The following SHISA9 variants were observed in gnomAD, a reference collection of about 807,000 sequenced individuals.
SHISA9 encodes protein shisa-9.
Under a neutral mutation model 38.0 loss-of-function variants are expected in SHISA9, and 13 were observed. That is an observed-to-expected ratio of 0.34 (90% confidence interval 0.22 to 0.54). The LOEUF (loss-of-function observed/expected upper bound fraction) is 0.54, where lower values mean the gene tolerates loss of function less well. Among genes scored for constraint, SHISA9 ranks in the 20% least tolerant of loss-of-function variants. SHISA9 has a pLI of 0.91. For missense variants in SHISA9, 538 were observed against 575.8 expected (o/e 0.93, Z 0.67); for synonymous variants, 275 against 242.0 (o/e 1.14, Z -1.27).
intron 2 of SHISA9, among the ~76,000 whole-genome samples, chr16:13,111,885 G>A (rs1163486147): frequency 6.6e-6 from 1 of 152,138 alleles, no homozygotes; most frequent in Admixed American, 6.6e-5. Context: ...CATCTGTTGA[G>A]GCAGACATTC....
chr16:13,126,955 G>T (rs1280322538), intron 2 of SHISA9, among the ~76,000 whole-genome samples: 1 of 146,032 alleles, frequency 6.8e-6, no homozygotes, highest in African/African-American at 2.5e-5. Context: ...CTGAGGGAAG[G>T]AAAGAGAGAG....
the SHISA9 span, among the ~76,000 whole-genome samples, chr16:13,435,407 T>C: frequency 6.6e-6 from 1 of 152,194 alleles, no homozygotes; most frequent in African/African-American, 2.4e-5. Context: ...GACAGTAAAC[T>C]ATGTCACAAG....
At chr16:13,262,665 GAA>G in the SHISA9 span, among the ~76,000 whole-genome samples, 619 of 114,782 alleles carry the variant, frequency 5.4e-3, 12 homozygotes, top group East Asian at 9.4e-3. Flanking sequence ...AGGAAGGAAG[GAA>G]GGAAGGGAGG....
At chr16:13,483,394 G>A in the SHISA9 span, among the ~76,000 whole-genome samples, 1 of 152,168 alleles carries the variant, frequency 6.6e-6, no homozygotes, top group Non-Finnish European at 1.5e-5. Flanking sequence ...TTGCTGCCTA[G>A]CTTTATTCTG....
intron 2 of SHISA9, among the ~76,000 whole-genome samples, chr16:12,963,117 G>C (rs964659496): frequency 4.6e-5 from 7 of 152,206 alleles, no homozygotes; most frequent in Non-Finnish European, 8.8e-5. Flanking sequence ...GTTGCTTGCA[G>C]TCAGAGGTGC....
At chr16:13,491,482 G>T in the SHISA9 span, among the ~76,000 whole-genome samples, 4 of 149,930 alleles carry the variant, frequency 2.7e-5, no homozygotes, top group African/African-American at 4.9e-5. Flanking sequence ...TTACTCATAA[G>T]AGGGCTGGAT....
At chr16:13,042,452 A>G (rs1056102353) in intron 2 of SHISA9, among the ~76,000 whole-genome samples, 1 of 152,144 alleles carries the variant, frequency 6.6e-6, no homozygotes, top group Non-Finnish European at 1.5e-5. Context: ...CCAAACAGAG[A>G]CACTCTTTGT....
intron 2 of SHISA9, among the ~76,000 whole-genome samples, chr16:13,004,943 G>GAAAAAAAAAAAAA (rs59694628): frequency 1.6e-4 from 17 of 103,714 alleles, no homozygotes; most frequent in East Asian, 2.8e-4. Context: ...TTAAGAAAAA[G>GAAAAAAAAAAAAA]AAAAAAAAAA....
intron 2 of SHISA9, among the ~76,000 whole-genome samples, chr16:13,029,989 A>G (rs1349954043): frequency 1.3e-5 from 2 of 152,130 alleles, no homozygotes; most frequent in African/African-American, 4.8e-5. Context: ...TAATTATAGG[A>G]CCTACTTCAT....
the SHISA9 span, among the ~76,000 whole-genome samples, chr16:13,480,000 G>A: frequency 3.3e-5 from 5 of 152,144 alleles, no homozygotes; most frequent in African/African-American, 1.2e-4. Context: ...ATTGGTTTTG[G>A]CATATTACTT....
At chr16:13,330,542 C>T in the SHISA9 span, among the ~76,000 whole-genome samples, 1 of 152,218 alleles carries the variant, frequency 6.6e-6, no homozygotes, top group Non-Finnish European at 1.5e-5. Context: ...AGGCATCTAT[C>T]ATCCCACTTC....
At chr16:13,467,263 C>T in the SHISA9 span, among the ~76,000 whole-genome samples, 1 of 152,158 alleles carries the variant, frequency 6.6e-6, no homozygotes, top group Non-Finnish European at 1.5e-5. Context: ...CCTGGGGGCC[C>T]AGTTGGGACA....
chr16:13,500,576 G>C, the SHISA9 span, among the ~76,000 whole-genome samples: 1 of 150,060 alleles, frequency 6.7e-6, no homozygotes, highest in Non-Finnish European at 1.5e-5. Context: ...AAGAGAAATA[G>C]AGAGAGAAGG....
At chr16:13,329,389 G>C in the SHISA9 span, among the ~76,000 whole-genome samples, 2 of 152,088 alleles carry the variant, frequency 1.3e-5, no homozygotes, top group African/African-American at 4.8e-5. Flanking sequence ...TGAACCCTGG[G>C]TATTTACCTC....
At chr16:13,418,647 T>A in the SHISA9 span, among the ~76,000 whole-genome samples, 26 of 152,176 alleles carry the variant, frequency 1.7e-4, no homozygotes, top group African/African-American at 5.8e-4. Flanking sequence ...TCTGATGATG[T>A]GGGGCAAACT....
At chr16:13,552,078 G>T in the SHISA9 span, among the ~76,000 whole-genome samples, 1 of 152,174 alleles carries the variant, frequency 6.6e-6, no homozygotes, top group Non-Finnish European at 1.5e-5. Flanking sequence ...TTTTGCTTCA[G>T]CTTTGTGTTT....
At chr16:13,082,815 TA>T (rs1255154075) in intron 2 of SHISA9, among the ~76,000 whole-genome samples, 3 of 152,164 alleles carry the variant, frequency 2.0e-5, no homozygotes, top group Non-Finnish European at 4.4e-5. Context: ...AGCCACTCCT[TA>T]AATAAAATAG....
At chr16:13,108,342 C>G (rs150473891) in intron 2 of SHISA9, among the ~76,000 whole-genome samples, 2,245 of 152,206 alleles carry the variant, frequency 0.015, 48 homozygotes, top group African/African-American at 0.05. Flanking sequence ...GTTACTCAGC[C>G]TGGTCTCAAA....
chr16:13,452,571 G>A, the SHISA9 span, among the ~76,000 whole-genome samples: 21 of 152,122 alleles, frequency 1.4e-4, no homozygotes, highest in Non-Finnish European at 2.6e-4. Context: ...CTTACAGATC[G>A]GATGGGTGTT....
Sources: allele counts gnomAD v4.1 joint callset (sites outside exome capture counted in the v4.1 genomes callset), GRCh38; gene constraint gnomAD v4.1.1; transcripts MANE v1.5; gene names NCBI Gene and HGNC (gene_info 2026-07-23, HGNC 2026-07-21).